Variants in HRC observed in about 807,000 individuals in gnomAD.
The protein encoded by HRC is histidine rich calcium binding protein, also known as sarcoplasmic reticulum histidine-rich calcium-binding protein.
Under a neutral mutation model 61.4 loss-of-function variants are expected in HRC, and 41 were observed. That is an observed-to-expected ratio of 0.67 (90% CI 0.52 to 0.87). HRC has a LOEUF of 0.87. HRC is among the 40% of genes least tolerant of loss of function. HRC has a pLI of 0.00. For missense variants in HRC, 839 were observed against 885.8 expected (o/e 0.95, Z 0.67); for synonymous variants, 308 against 326.6 (o/e 0.94, Z 0.62).
rs749733083 is a variant in HRC at position 49,153,748 on chromosome 19, T to A, written c.1490A>T (p.Glu497Val). Residue 497 changes from glutamate to valine, a missense_variant, in exon 1 of 6, where the codon GAA (glutamate) becomes GTA (valine). Coordinates refer to ENST00000252825, the MANE Select transcript of HRC (RefSeq NM_002152.3). The surrounding 1 kb of genome is among the most constrained non-coding windows in gnomAD (Gnocchi z 4.8). Reference protein sequence around the residue: ...EKEEDPGSHEEDDESSEQGEK... With the variant: ...EKEEDPGSHEVDDESSEQGEK... ...TCCCTGCTCTGAACTTTCATCGTCT[T>A]CCTCATGGGAGCCGGGGTCCTCTTC... The A allele has an allele frequency of 1.9e-6, 3 of 1,614,150 alleles. No individual in the cohort carries two copies. Among genetic ancestry groups the A allele is most frequent in the Non-Finnish European group, 1.7e-6 (2 of 1,180,028 alleles).
At position 49,154,197 on chromosome 19, in the gene HRC, G is replaced by GC; in HGVS notation, c.1040dup (p.His348ProfsTer8). 6.2e-7 allele frequency: 1 copy of GC among 1,613,946 alleles called. No individual in the cohort carries two copies. On this transcript the variant is annotated frameshift_variant, in exon 1 of 6. Transcript: ENST00000252825. LOFTEE classifies it high-confidence loss of function. ...CCTCATCTTCTTCCTCGTCTCTGTG[G>GC]CCTTGGTGCCTGTGGTCAGGGACAT...
At position 49,154,044 on chromosome 19, in the gene HRC, G is replaced by A. The variant is rs761002831; in HGVS notation, c.1194C>T (p.Gly398=). Residue 398 remains glycine (G), a synonymous_variant, in exon 1 of 6, where the codon GGC becomes GGT. Coordinates refer to ENST00000252825, the MANE Select transcript of HRC (RefSeq NM_002152.3). ...GGAAGTCCTCTTCATCACTCTTGTG[G>A]CCTCGAGGTTGGTGGCTTGCAACAT... is the stretch of plus-strand genomic sequence containing the variant. ...GHYVASHQPR[G]HKSDEEDFQD... 1.2e-6 allele frequency: 2 copies of A among 1,614,092 alleles called. No individual in the cohort carries two copies. Among genetic ancestry groups the A allele is most frequent in the East Asian group, 2.2e-5 (1 of 44,866 alleles).
Position 49,152,010 on chromosome 19 carries a change from C to A in HRC, c.2020G>T (p.Ala674Ser), listed in dbSNP as rs368362154. The stretch of plus-strand genomic sequence containing the variant: ...GGGCCCCGCCCATGCTCACCTGGAG[C>A]GCAGACCGTTTCGCAGACCAGCGGG... ...LCPLVCETVC[A>S]PGSYVDYFSS... The change falls in exon 4 of 6, where the codon GCT becomes TCT. Residue 674 changes from alanine (A) to serine (S), a missense_variant. By Grantham distance (99) the Ala-to-Ser change is moderately conservative. Transcript: ENST00000252825. 2 of 1,614,202 alleles carry A rather than the reference C, an allele frequency of 1.2e-6. No homozygotes were observed. The highest frequency in any genetic ancestry group is 1.7e-6 in the Non-Finnish European group (2 of 1,180,014).
rs149671484 is a variant in HRC at position 49,154,588 on chromosome 19, C to T, written c.650G>A (p.Arg217Gln). The T allele has an allele frequency of 8.5e-5, 136 of 1,598,244 alleles. No individual in the cohort carries two copies. The highest frequency in any genetic ancestry group is 9.1e-5 in the East Asian group (4 of 44,124). Residue 217 changes from arginine (R) to glutamine (Q), a missense_variant, in exon 1 of 6, where the codon CGA (arginine) becomes CAA (glutamine). Transcript: ENST00000252825. ...CTCATCCTCTTCACTCCCATGGCCTCGGTGCCTGTGGGCCTGGTGTCCATA... is the reference window on the plus strand; with the variant it reads ...CTCATCCTCTTCACTCCCATGGCCTTGGTGCCTGTGGGCCTGGTGTCCATA... ...TEYGHQAHRHRGHGSEEDEDV... is the reference protein window; with the variant it reads ...TEYGHQAHRHQGHGSEEDEDV...
rs1379538321 is a variant in HRC, at chr19:49,152,528, C to T, written c.1903-150G>A. Reference sequence around the variant, plus strand: ...CTCTGTATCTGCCCCCCAAACCAGCCTCCCCTCCCCTCCCCTGCCCCTGGT... The same window carrying T: ...CTCTGTATCTGCCCCCCAAACCAGCTTCCCCTCCCCTCCCCTGCCCCTGGT... On this transcript the variant is annotated intron_variant, in intron 2 of 5. Coordinates refer to ENST00000252825, the MANE Select transcript of HRC (RefSeq NM_002152.3). The T allele has an allele frequency of 5.7e-6, 3 of 527,610 alleles. No homozygotes were observed. The Admixed American group carries it at 1.1e-4, about 19-fold the overall frequency. 32.7% of individuals were successfully genotyped at this position (527,610 alleles called of 1,614,324 possible). A position where few individuals can be genotyped will look rare whatever the true frequency, so the allele number is the denominator to read the frequency against.
chr19:49,153,615 C>A lies in HRC; in HGVS notation c.1623G>T (p.Glu541Asp). Residue 541 changes from glutamate (E) to aspartate (D), a missense_variant, in exon 1 of 6, where the codon GAG becomes GAT. Coordinates refer to ENST00000252825, the MANE Select transcript of HRC (RefSeq NM_002152.3). This position sits in a 1 kb window ranked among gnomAD's most constrained non-coding sequence, Gnocchi z 4.8. ...CCTCGTCTTCTTCCTCCTCCTCCTC[C>A]TCCTTGTCTTCCTCTTCTTCCTCCT... is the stretch of plus-strand genomic sequence containing the variant. ...NQEEEEEEDK[E>D]EEEEEEDEER... The A allele has an allele frequency of 6.4e-7, 1 of 1,550,850 alleles. No homozygotes were observed.
In HRC at chr19:49,154,491, ATCATCG is replaced by A. The variant is rs1301963110; in HGVS notation, c.741_746del (p.Asp260_Asp261del). The A allele has an allele frequency of 3.8e-6, 6 of 1,572,896 alleles. No individual in the cohort carries two copies. The highest frequency in any genetic ancestry group is 1.7e-5 in the Admixed American group (1 of 57,854). On this transcript the variant is annotated inframe_deletion, in exon 1 of 6. Transcript: ENST00000252825. ...CATCATCATCATCATCATCATCATC[ATCATCG>A]TCATCTTCTTCATGGCCTTGGTGCC... is the stretch of plus-strand genomic sequence containing the variant.
At chr19:49,151,629 G>A (rs1369469845) in intron 4 of HRC, 76 bp from the exon 5 acceptor site, 7 of 1,275,970 alleles carry the variant, frequency 5.5e-6, no homozygotes, top group East Asian at 2.3e-5. Flanking sequence ...TATAGCGTGC[G>A]AGATTAGTGC....
chr19:49,155,319 G>T lies in HRC; in HGVS notation c.-82C>A, dbSNP rs1374398517. ...TGGGGTCTTTGTCCCTTTGGGGTTGGTCTCTTTTTTTCTCTGTGTCTCTCC... is the reference window on the plus strand; with the variant it reads ...TGGGGTCTTTGTCCCTTTGGGGTTGTTCTCTTTTTTTCTCTGTGTCTCTCC... On this transcript the variant is annotated 5_prime_UTR_variant, in exon 1 of 6. Coordinates refer to ENST00000252825, the MANE Select transcript of HRC (RefSeq NM_002152.3). The surrounding 1 kb of genome is among the most constrained non-coding windows in gnomAD (Gnocchi z 4.7). The T allele has an allele frequency of 1.4e-6, 2 of 1,469,480 alleles. No homozygotes were observed. The highest frequency in any genetic ancestry group is 2.4e-5 in the East Asian group (1 of 41,770). 91.0% of individuals were successfully genotyped at this position (1,469,480 alleles called of 1,614,324 possible). A position where few individuals can be genotyped will look rare whatever the true frequency, so the allele number is the denominator to read the frequency against.
rs558306084 is a variant in HRC, at chr19:49,151,526, G to A, written c.2054C>T (p.Ser685Phe). 5.6e-6 allele frequency: 9 copies of A among 1,614,008 alleles called. No homozygotes were observed. Among genetic ancestry groups the A allele is most frequent in the Admixed American group, 3.3e-5 (2 of 60,012 alleles). ...CCTTTTACACACTTACTGATAAAGG[G>A]ACGAGGAGAAATAGTCAACGTAGCT... Reference protein sequence around the residue: ...PGSYVDYFSSSLYQALADMLE... With the variant: ...PGSYVDYFSSFLYQALADMLE... The change falls in exon 5 of 6, where the codon TCC becomes TTC. Residue 685 changes from serine to phenylalanine, a missense_variant. Transcript: ENST00000252825.
In HRC at chr19:49,152,158, G is replaced by A. The variant is rs1017261074; in HGVS notation, c.1972-100C>T. Reference sequence around the variant, plus strand: ...GACCCGGACCAGAGGCTAGGTCTAGGTTAAGGTTGGAGTCAGGATCGCTTG... The same window carrying A: ...GACCCGGACCAGAGGCTAGGTCTAGATTAAGGTTGGAGTCAGGATCGCTTG... On this transcript the variant is annotated intron_variant, in intron 3 of 5. Transcript: ENST00000252825. 36 of 1,307,840 alleles carry A rather than the reference G, an allele frequency of 2.8e-5. No homozygotes were observed. The African/African-American group carries it at 3.2e-4, about 12-fold the overall frequency. The allele number at this position is 1,307,840 out of a possible 1,614,324, so 81.0% of individuals were successfully genotyped here. A position where few individuals can be genotyped will look rare whatever the true frequency, so the allele number is the denominator to read the frequency against.
intron 4 of HRC, among the ~76,000 whole-genome samples, chr19:49,151,777 T>TCTAAGCC (rs1241522985): frequency 2.6e-5 from 4 of 152,080 alleles, no homozygotes; most frequent in Admixed American, 1.3e-4. Context: ...CCCATTAGGC[T>TCTAAGCC]CTAAGCCCGC....
chr19:49,152,851 G>A (rs967159534), intron 2 of HRC, among the ~76,000 whole-genome samples: 3 of 151,342 alleles, frequency 2.0e-5, no homozygotes, highest in Admixed American at 1.3e-4. Context: ...GATTACAGGC[G>A]TGAGCCACCA....
intron 3 of HRC, 80 bp from the exon 4 acceptor site, chr19:49,152,138 G>C (rs1386336693): frequency 6.6e-6 from 9 of 1,368,678 alleles, no homozygotes; most frequent in Non-Finnish European, 9.4e-6. Flanking sequence ...GACCAGACCC[G>C]GACCAGAGGC....
In HRC at chr19:49,151,311, T is replaced by C. The variant is rs1369517050; in HGVS notation, c.2085A>G (p.Glu695=). 1.3e-6 allele frequency: 2 copies of C among 1,558,078 alleles called. No individual in the cohort carries two copies. Among genetic ancestry groups the C allele is most frequent in the Non-Finnish European group, 1.7e-6 (2 of 1,149,576 alleles). ...SLYQALADML[E]TPEP ...AGCGACTGGGTCAGGGTTCCGGCGT[T>C]TCCAGCATGTCTGCCAGGGCCCTGG... Residue 695 remains glutamate (E), a synonymous_variant, in exon 6 of 6, where the codon GAA becomes GAG. Coordinates refer to ENST00000252825, the MANE Select transcript of HRC (RefSeq NM_002152.3).
chr19:49,152,655 C>A (rs1290233567), intron 2 of HRC, among the ~76,000 whole-genome samples: 1 of 151,850 alleles, frequency 6.6e-6, no homozygotes, highest in Non-Finnish European at 1.5e-5. Context: ...CTGCAACCTC[C>A]GTCTCCCGGG....
intron 4 of HRC, 131 bp downstream of exon 4, chr19:49,151,873 G>C (rs1298238896): frequency 1.1e-6 from 1 of 890,384 alleles, no homozygotes; most frequent in Non-Finnish European, 1.8e-6. Flanking sequence ...CACGTGCTCA[G>C]AGCCTTGGCC....
At chr19:49,152,433 C>T in intron 2 of HRC, 55 bp from the exon 3 acceptor site, 1 of 1,505,908 alleles carries the variant, frequency 6.6e-7, no homozygotes, top group Non-Finnish European at 9.1e-7. Flanking sequence ...TTGGGAGGTA[C>T]CCGCCCCTGG....
Position 49,154,665 on chromosome 19 carries a change from TTCA to T in HRC, c.570_572del (p.Asp190del). Reference sequence around the variant, plus strand: ...CCTCCTCCTCCTCCTCCTCTTCTCCTTCATCATCTTCCCCATCATGGCCTCGGT... The same window carrying T: ...CCTCCTCCTCCTCCTCCTCTTCTCCTTCATCTTCCCCATCATGGCCTCGGT... On this transcript the variant is annotated inframe_deletion, in exon 1 of 6. Coordinates refer to ENST00000252825, the MANE Select transcript of HRC (RefSeq NM_002152.3). 1 of 1,602,584 alleles carries T rather than the reference TTCA, an allele frequency of 6.2e-7. No homozygotes were observed. Among genetic ancestry groups the T allele is most frequent in the Non-Finnish European group, 8.5e-7 (1 of 1,172,492 alleles).
Sources: gnomAD v4.1 joint callset for allele counts (sites outside exome capture counted in the v4.1 genomes callset) on GRCh38, gnomAD v4.1.1 for gene constraint, Gnocchi (gnomAD v3.1) non-coding constraint, MANE v1.5 for transcripts, NCBI Gene and HGNC (gene_info 2026-07-23, HGNC 2026-07-21) for gene names.